ADGRL2: variants seen among roughly 807,000 people sequenced by gnomAD.
ADGRL2 encodes the protein calcium-independent alpha-latrotoxin receptor 2.
A neutral mutation model predicts 157.4 loss-of-function variants in ADGRL2; 44 were observed. That is an observed-to-expected ratio of 0.28 (90% CI 0.22 to 0.36). ADGRL2 has a LOEUF of 0.36. Ranked by LOEUF, ADGRL2 falls within the 10% of genes least tolerant of loss-of-function variation. ADGRL2 has a pLI of 1.00. For missense variants in ADGRL2, 1,510 were observed against 1,768.9 expected, an observed-to-expected ratio of 0.85 and a Z score of 2.63; for synonymous variants, 585 against 624.7, an observed-to-expected ratio of 0.94 and a Z score of 0.95.
chr1:81,343,487 A>G (rs1040640067), intron 1 of ADGRL2, among the ~76,000 whole-genome samples: 3 of 152,210 alleles, frequency 2.0e-5, no homozygotes, highest in Non-Finnish European at 4.4e-5. Flanking sequence ...AGAATTCAGA[A>G]CTATCATTTC....
chr1:81,527,703 C>T (rs1166858076), intron 2 of ADGRL2, among the ~76,000 whole-genome samples: 1 of 150,810 alleles, frequency 6.6e-6, no homozygotes, highest in African/African-American at 2.4e-5. Flanking sequence ...TAGAGCAAAA[C>T]TCTGCCTCAA....
At position 81,682,103 on chromosome 1, in the gene ADGRL2, ATGTGTGTG is replaced by A. The variant is rs57943530; in HGVS notation, c.-142-79686_-142-79679del. Among the ~76,000 whole-genome samples, 357 of 148,036 alleles carry A rather than the reference ATGTGTGTG, an allele frequency of 2.4e-3. 2 individuals are homozygous for A. The highest frequency in any genetic ancestry group is 7.1e-3 in the South Asian group (33 of 4,634). ...GAAAGTTCCATATATATACATATAT[ATGTGTGTG>A]TGTGTGTGTGTGTGTGTGTGTATTT... On this transcript the variant is annotated intron_variant, in intron 3 of 24. Transcript: ENST00000370721.
chr1:81,896,717 A>G (rs1571981838), intron 2 of ADGRL2, among the ~76,000 whole-genome samples: 2 of 152,310 alleles, frequency 1.3e-5, no homozygotes, highest in Non-Finnish European at 2.9e-5. Context: ...TAAAAATAAA[A>G]TGCCTACTGT....
chr1:81,953,292 A>G (rs998448621), intron 10 of ADGRL2, among the ~76,000 whole-genome samples: 2 of 152,144 alleles, frequency 1.3e-5, no homozygotes, highest in African/African-American at 4.8e-5. Context: ...GTAATTATGT[A>G]GTCTCTTTGT....
chr1:81,659,052 ATTTTTTTTTTTTTTT>A lies in ADGRL2; in HGVS notation c.-143+78085_-143+78099del, dbSNP rs55832240. 2.3e-3 allele frequency among the ~76,000 whole-genome samples: 139 copies of A among 60,570 alleles called. 1 individual carries two copies. Among genetic ancestry groups the A allele is most frequent in the African/African-American group, 9.9e-3 (126 of 12,742 alleles). The allele number at this position is 60,570 out of a possible 152,430, so 39.7% of individuals were successfully genotyped here. A position where few individuals can be genotyped will look rare whatever the true frequency, so the allele number is the denominator to read the frequency against. On this transcript the variant is annotated intron_variant, in intron 3 of 24. Coordinates refer to the ADGRL2 transcript ENST00000370721. The stretch of plus-strand genomic sequence containing the variant: ...CAGGCGTGAGCCACCACACCCAGCA[ATTTTTTTTTTTTTTT>A]TTTTTTTTTTTTGAGACAGAGTCTC...
intron 2 of ADGRL2, among the ~76,000 whole-genome samples, chr1:81,844,965 AAATT>A (rs1411098928): frequency 1.3e-5 from 2 of 152,150 alleles, no homozygotes; most frequent in African/African-American, 4.8e-5. Flanking sequence ...AAAATTAAAA[AAATT>A]AAGATAAAAC....
At chr1:81,390,892 A>G (rs1413458450) in intron 1 of ADGRL2, among the ~76,000 whole-genome samples, 2 of 152,416 alleles carry the variant, frequency 1.3e-5, no homozygotes, top group African/African-American at 4.8e-5. Context: ...ATGCTGCCAC[A>G]CACACCCATT....
At chr1:81,906,742 T>C (rs1446006246) in intron 2 of ADGRL2, among the ~76,000 whole-genome samples, 1 of 152,200 alleles carries the variant, frequency 6.6e-6, no homozygotes, top group Non-Finnish European at 1.5e-5. Flanking sequence ...AAATTTGTCA[T>C]TATTATTTGG....
In ADGRL2 at chr1:81,738,051, C is replaced by G. The variant is rs140476724; in HGVS notation, c.-142-23760C>G. ...TAGGACAGACCACAGTGGCCTCAGA[C>G]CTAAATTTAAATAAATAATGAAGTT... is the stretch of plus-strand genomic sequence containing the variant. On this transcript the variant is annotated intron_variant, in intron 1 of 20. Coordinates refer to the ADGRL2 transcript ENST00000359929. Among the ~76,000 whole-genome samples the G allele has an allele frequency of 5.3e-5, 8 of 152,188 alleles. 1 individual carries two copies. In the South Asian group the frequency reaches 1.0e-3, roughly 20 times the overall value.
chr1:81,768,058 T>C (rs754181197), intron 2 of ADGRL2, among the ~76,000 whole-genome samples: 8 of 152,140 alleles, frequency 5.3e-5, no homozygotes, highest in Non-Finnish European at 1.0e-4. Flanking sequence ...ATTTTTATTA[T>C]TTTTAGAGAC....
At chr1:81,777,319 GCCAAGTAAAGTTCCTCATTTTTTCC>G (rs2086626311) in intron 2 of ADGRL2, among the ~76,000 whole-genome samples, 1 of 152,070 alleles carries the variant, frequency 6.6e-6, no homozygotes, top group African/African-American at 2.4e-5. Context: ...CTAATTCACT[GCCAAGTAAAGTTCCTCATTTTTTCC>G]CCCAGGAGTA....
chr1:81,488,663 T>C (rs1237728807), intron 2 of ADGRL2, among the ~76,000 whole-genome samples: 1 of 151,894 alleles, frequency 6.6e-6, no homozygotes, highest in Non-Finnish European at 1.5e-5. Context: ...AGAAAGATCA[T>C]GCTGCTGCAC....
intron 1 of ADGRL2, among the ~76,000 whole-genome samples, chr1:81,736,337 A>G (rs2084901536): frequency 6.6e-6 from 1 of 152,160 alleles, no homozygotes; most frequent in Non-Finnish European, 1.5e-5. Flanking sequence ...AAGCACAAGA[A>G]GTAAGTAGAA....
At chr1:81,861,391 A>T (rs1042828300) in intron 2 of ADGRL2, among the ~76,000 whole-genome samples, 1 of 152,192 alleles carries the variant, frequency 6.6e-6, no homozygotes, top group East Asian at 1.9e-4. Context: ...AAAGGTTTTA[A>T]TGATTTCATA....
intron 3 of ADGRL2, among the ~76,000 whole-genome samples, chr1:81,684,992 A>G (rs1037728213): frequency 6.6e-6 from 1 of 152,140 alleles, no homozygotes; most frequent in Non-Finnish European, 1.5e-5. Flanking sequence ...CCATTGGTCT[A>G]TGTGCCTATT....
chr1:81,460,719 G>A (rs1316694744), intron 2 of ADGRL2, among the ~76,000 whole-genome samples: 2 of 152,060 alleles, frequency 1.3e-5, no homozygotes, highest in African/African-American at 2.4e-5. Flanking sequence ...AGAATAAAAT[G>A]GTCAGAAACA....
chr1:81,793,952 A>T (rs1407270651), intron 2 of ADGRL2, among the ~76,000 whole-genome samples: 1 of 152,136 alleles, frequency 6.6e-6, no homozygotes, highest in African/African-American at 2.4e-5. Context: ...TTTGAAAATA[A>T]TTCACATTCT....
At chr1:81,730,874 G>A (rs1042907987) in intron 1 of ADGRL2, among the ~76,000 whole-genome samples, 3 of 151,974 alleles carry the variant, frequency 2.0e-5, no homozygotes, top group African/African-American at 7.3e-5. Flanking sequence ...TAACATTATT[G>A]ATCAACCTGA....
intron 2 of ADGRL2, among the ~76,000 whole-genome samples, chr1:81,516,331 T>C (rs2079177633): frequency 6.6e-6 from 1 of 152,228 alleles, no homozygotes; most frequent in Non-Finnish European, 1.5e-5. Context: ...AGGTTGGGAA[T>C]GTAGAATACG....
Sources: allele counts gnomAD v4.1 joint callset (sites outside exome capture counted in the v4.1 genomes callset), GRCh38; gene constraint gnomAD v4.1.1; transcripts MANE v1.5; gene names NCBI Gene and HGNC (gene_info 2026-07-23, HGNC 2026-07-21).